The following CSMD3 variants were observed in gnomAD, a reference collection of about 807,000 sequenced individuals.
CSMD3 encodes CUB and sushi domain-containing protein 3.
In CSMD3, 177 loss-of-function variants were observed where a neutral mutation model predicts 435.2. The ratio of observed to expected loss-of-function variants is 0.41; its 90% CI spans 0.36 to 0.46. CSMD3 has a LOEUF of 0.46. Ranked by LOEUF, CSMD3 falls within the 20% of genes least tolerant of loss-of-function variation. The probability of loss-of-function intolerance (pLI) is 0.34; values close to 1 mark genes in which losing one functional copy is unlikely to be tolerated. For missense variants in CSMD3, 4,265 were observed against 4,504.6 expected (o/e 0.95, Z 1.52); for synonymous variants, 1,656 against 1,520.5 (o/e 1.09, Z -2.07).
intron 22 of CSMD3, among the ~76,000 whole-genome samples, chr8:112,596,329 A>G (rs1355233937): frequency 2.0e-5 from 3 of 152,178 alleles, no homozygotes; most frequent in African/African-American, 7.2e-5. Context: ...TCCAAAATAT[A>G]TATGCACCCA....
intron 14 of CSMD3, among the ~76,000 whole-genome samples, chr8:112,688,382 C>T (rs1349195585): frequency 6.6e-6 from 1 of 152,138 alleles, no homozygotes; most frequent in Non-Finnish European, 1.5e-5. Context: ...TAAGCATCCA[C>T]AGAAGCACTT....
chr8:112,806,382 G>A (rs776077555), intron 12 of CSMD3, among the ~76,000 whole-genome samples: 33 of 152,166 alleles, frequency 2.2e-4, no homozygotes, highest in Non-Finnish European at 1.5e-5. Flanking sequence ...TGGAGGTAGT[G>A]GCACTGTTGA....
chr8:112,265,347 A>G (rs1586588388), intron 60 of CSMD3, 64 bp downstream of exon 60: 1 of 1,229,472 alleles, frequency 8.1e-7, no homozygotes, highest in Non-Finnish European at 1.2e-6. Flanking sequence ...TTAAATTTGT[A>G]TATAAAAATA....
At chr8:113,386,156 A>G (rs569563929) in intron 1 of CSMD3, among the ~76,000 whole-genome samples, 1 of 152,162 alleles carries the variant, frequency 6.6e-6, no homozygotes, top group South Asian at 2.1e-4. Context: ...ATGGAAATGC[A>G]GGAGAAGATG....
At position 112,404,301 on chromosome 8, in the gene CSMD3, G is replaced by A. The variant is rs577455108; in HGVS notation, c.5809+2223C>T. ...TCCCAGCACTTTGGGAGGCCGAGGC[G>A]GGTGGATCACGATGTCAGGAGTTCA... is the stretch of plus-strand genomic sequence containing the variant. On this transcript the variant is annotated intron_variant, in intron 35 of 70. Transcript: ENST00000297405. Among the ~76,000 whole-genome samples the A allele has an allele frequency of 5.1e-4, 77 of 152,176 alleles. 1 individual carries two copies. Among genetic ancestry groups the A allele is most frequent in the African/African-American group, 1.6e-3 (65 of 41,536 alleles).
intron 6 of CSMD3, among the ~76,000 whole-genome samples, chr8:112,994,457 T>G (rs2085569871): frequency 6.6e-6 from 1 of 151,692 alleles, no homozygotes; most frequent in South Asian, 2.1e-4. Context: ...AAATGCCCTT[T>G]TGTCAATATT....
chr8:112,872,068 G>T (rs1313676302), intron 10 of CSMD3, among the ~76,000 whole-genome samples: 7 of 152,014 alleles, frequency 4.6e-5, no homozygotes. Flanking sequence ...AGTAGGCACT[G>T]TTCTCTGAAT....
chr8:112,404,271 T>A (rs1158936806), intron 35 of CSMD3, among the ~76,000 whole-genome samples: 7 of 152,200 alleles, frequency 4.6e-5, no homozygotes, highest in Non-Finnish European at 1.0e-4. Context: ...GGCTCGCACC[T>A]ATAATCCCAG....
intron 17 of CSMD3, among the ~76,000 whole-genome samples, chr8:112,659,768 C>T (rs2075337288): frequency 6.6e-6 from 1 of 151,986 alleles, no homozygotes; most frequent in Non-Finnish European, 1.5e-5. Flanking sequence ...GTTTTAAAAA[C>T]ATGTTTGTTG....
intron 13 of CSMD3, among the ~76,000 whole-genome samples, chr8:112,716,028 A>G (rs980970066): frequency 2.0e-5 from 3 of 152,138 alleles, no homozygotes; most frequent in Admixed American, 6.6e-5. Context: ...ACAAAGATGC[A>G]CTGTCTTCCC....
chr8:112,554,469 C>A (rs1327179057), intron 25 of CSMD3, among the ~76,000 whole-genome samples: 1 of 151,790 alleles, frequency 6.6e-6, no homozygotes, highest in East Asian at 1.9e-4. Flanking sequence ...TGTATTAATT[C>A]ATTTTTCATC....
chr8:113,301,161 T>G (rs916044948), intron 2 of CSMD3, among the ~76,000 whole-genome samples: 3 of 151,910 alleles, frequency 2.0e-5, no homozygotes, highest in Non-Finnish European at 4.4e-5. Flanking sequence ...TAGGGTGAAG[T>G]CAGAGCAAGG....
intron 38 of CSMD3, among the ~76,000 whole-genome samples, chr8:112,361,615 A>G (rs1219822802): frequency 1.8e-5 from 2 of 112,588 alleles, no homozygotes; most frequent in African/African-American, 6.7e-5. Flanking sequence ...ATATATATAT[A>G]TATATGTCCT....
intron 32 of CSMD3, among the ~76,000 whole-genome samples, chr8:112,409,877 C>T (rs1832182331): frequency 2.0e-5 from 3 of 151,616 alleles, no homozygotes; most frequent in Admixed American, 2.0e-4. Flanking sequence ...AGTAACAAAA[C>T]TTATCCTTAA....
chr8:112,348,847 G>A (rs1472722992), intron 40 of CSMD3, among the ~76,000 whole-genome samples: 4 of 152,004 alleles, frequency 2.6e-5, no homozygotes, highest in African/African-American at 7.2e-5. Flanking sequence ...TTAAAAAATT[G>A]TTTTGTTACA....
At chr8:112,538,375 C>T (rs1826338205) in intron 27 of CSMD3, among the ~76,000 whole-genome samples, 1 of 151,858 alleles carries the variant, frequency 6.6e-6, no homozygotes, top group South Asian at 2.1e-4. Flanking sequence ...GAGAAAGAAA[C>T]AAAAAGGCAT....
chr8:112,421,911 C>A (rs1812556159), intron 32 of CSMD3, among the ~76,000 whole-genome samples: 2 of 152,040 alleles, frequency 1.3e-5, no homozygotes, highest in South Asian at 4.1e-4. Context: ...CATTGATCCT[C>A]ACAAAGACCT....
At chr8:112,993,491 G>A (rs1036609900) in intron 6 of CSMD3, among the ~76,000 whole-genome samples, 1 of 151,742 alleles carries the variant, frequency 6.6e-6, no homozygotes, top group African/African-American at 2.4e-5. Flanking sequence ...TTTAATGAGA[G>A]ACACGCATTT....
intron 6 of CSMD3, among the ~76,000 whole-genome samples, chr8:112,998,633 T>C (rs1382163693): frequency 1.3e-5 from 2 of 152,004 alleles, no homozygotes; most frequent in African/African-American, 4.8e-5. Flanking sequence ...CTAAATTTCA[T>C]CACTGCAATA....
Sources: gnomAD v4.1 joint callset for allele counts (sites outside exome capture counted in the v4.1 genomes callset) on GRCh38, gnomAD v4.1.1 for gene constraint, MANE v1.5 for transcripts, NCBI Gene and HGNC (gene_info 2026-07-23, HGNC 2026-07-21) for gene names.